The following COL1A1 variants were observed in gnomAD, a reference collection of about 807,000 sequenced individuals.
COL1A1 encodes collagen type I alpha 1 chain, also known as collagen alpha-1(I) chain.
In COL1A1, 21 loss-of-function variants were observed where a neutral mutation model predicts 195.7. The observed-to-expected ratio is 0.11, with a 90% CI of 0.08 to 0.15. The LOEUF (loss-of-function observed/expected upper bound fraction) is 0.15, where lower values mean the gene tolerates loss of function less well. Ranked by LOEUF, COL1A1 falls within the 10% of genes least tolerant of loss-of-function variation. The pLI, the probability that COL1A1 is intolerant of heterozygous loss-of-function variation, is 1.00. For synonymous variants in COL1A1, 749 were observed against 747.3 expected (o/e 1.00, Z -0.04); for missense variants, 1,365 against 2,051.0 (o/e 0.67, Z 6.46).
Position 50,192,636 on chromosome 17 carries a change from T to A in COL1A1, c.1929+4A>T. On this transcript the variant is annotated splice_donor_region_variant and intron_variant, in intron 28 of 50. Transcript: ENST00000225964. ...CCAGCATCCTGACAGCCATGAGGCC[T>A]CACCTGGAATCCGGGGGAGCCAGCA... 7.4e-6 allele frequency: 12 copies of A among 1,614,198 alleles called. No individual in the cohort carries two copies. The highest frequency in any genetic ancestry group is 1.0e-5 in the Non-Finnish European group (12 of 1,180,030).
chr17:50,197,636 T>G, intron 9 of COL1A1, 96 bp downstream of exon 9: 1 of 1,030,088 alleles, frequency 9.7e-7, no homozygotes, highest in Non-Finnish European at 1.4e-6. Flanking sequence ...CTCCTTCCTC[T>G]GAGTATCGTT....
chr17:50,189,093 T>C lies in COL1A1; in HGVS notation c.2937+75A>G. On this transcript the variant is annotated intron_variant, in intron 40 of 50. Coordinates refer to ENST00000225964, the MANE Select transcript of COL1A1 (RefSeq NM_000088.4). The surrounding 1 kb of genome is among the most constrained non-coding windows in gnomAD (Gnocchi z 5.5). ...CTGGAGTCATCTCTACCAAATCTGT[T>C]CTCCTTGGCTCCGCCCCACTCCAAG... is the stretch of plus-strand genomic sequence containing the variant. 1 of 1,584,300 alleles carries C rather than the reference T, an allele frequency of 6.3e-7. No individual in the cohort carries two copies. Among genetic ancestry groups the C allele is most frequent in the East Asian group, 2.2e-5 (1 of 44,716 alleles).
At position 50,190,215 on chromosome 17, in the gene COL1A1, C is replaced by T; in HGVS notation, c.2452-107G>A. The T allele has an allele frequency of 8.0e-7, 1 of 1,252,316 alleles. No homozygotes were observed. Among genetic ancestry groups the T allele is most frequent in the East Asian group, 2.3e-5 (1 of 43,110 alleles). The allele number at this position is 1,252,316 out of a possible 1,614,324, so 77.6% of individuals were successfully genotyped here. A position where few individuals can be genotyped will look rare whatever the true frequency, so the allele number is the denominator to read the frequency against. ...GGAAGATGCTTGGGTGGGAAACAAT[C>T]CCGTCTCCACCCTTCTCCCCTGAGG... is the stretch of plus-strand genomic sequence containing the variant. On this transcript the variant is annotated intron_variant, in intron 35 of 50. Coordinates refer to ENST00000225964, the MANE Select transcript of COL1A1 (RefSeq NM_000088.4). This position sits in a 1 kb window ranked among gnomAD's most constrained non-coding sequence, Gnocchi z 4.7.
rs940917502 is a variant in COL1A1 at position 50,195,850 on chromosome 17, G to T, written c.1056+73C>A. ...CTCTCTTGCCACTCTGGGTCCCTTT[G>T]GTTTGGGGAACAGGGAGACATGAAC... is the stretch of plus-strand genomic sequence containing the variant. On this transcript the variant is annotated intron_variant, in intron 16 of 50. Coordinates refer to ENST00000225964, the MANE Select transcript of COL1A1 (RefSeq NM_000088.4). The surrounding 1 kb of genome is among the most constrained non-coding windows in gnomAD (Gnocchi z 4.3). 2.0e-6 allele frequency: 3 copies of T among 1,524,940 alleles called. No homozygotes were observed. In the African/African-American group the frequency reaches 4.1e-5, roughly 21 times the overall value. 94.5% of individuals were successfully genotyped at this position (1,524,940 alleles called of 1,614,324 possible).
Position 50,194,280 on chromosome 17 carries a change from G to A in COL1A1, c.1614+69C>T, listed in dbSNP as rs750305584. 103 of 1,598,874 alleles carry A rather than the reference G, an allele frequency of 6.4e-5. No individual in the cohort carries two copies. The African/African-American group carries it at 1.0e-3, about 16-fold the overall frequency. ...CAGACCCTTGGGCCTGATCCAGAAC[G>A]CCTCATCCCAGACCCTACACGGGAT... On this transcript the variant is annotated intron_variant, in intron 23 of 50. Transcript: ENST00000225964. The surrounding 1 kb of genome is among the most constrained non-coding windows in gnomAD (Gnocchi z 6.8).
Position 50,189,333 on chromosome 17 carries a change from C to T in COL1A1, c.2829+44G>A, listed in dbSNP as rs765001351. On this transcript the variant is annotated intron_variant, in intron 39 of 50. Coordinates refer to ENST00000225964, the MANE Select transcript of COL1A1 (RefSeq NM_000088.4). This position sits in a 1 kb window ranked among gnomAD's most constrained non-coding sequence, Gnocchi z 5.5. ...GAGCAGCACAGGGACCCCTCCCCAGCTCTGCACACCTCCGGAGCTGCAGAG... is the reference window on the plus strand; with the variant it reads ...GAGCAGCACAGGGACCCCTCCCCAGTTCTGCACACCTCCGGAGCTGCAGAG... The T allele has an allele frequency of 1.2e-6, 2 of 1,613,788 alleles. No individual in the cohort carries two copies. The highest frequency in any genetic ancestry group is 2.2e-5 in the South Asian group (2 of 91,082).
chr17:50,201,279 A>C, intron 1 of COL1A1, 132 bp downstream of exon 1: 14 of 838,102 alleles, frequency 1.7e-5, no homozygotes, highest in East Asian at 2.7e-5. Context: ...GCGCCGAGGA[A>C]GAGCCCTCAT....
At chr17:50,191,706 A>G in intron 31 of COL1A1, 82 bp downstream of exon 31, 2 of 1,469,284 alleles carry the variant, frequency 1.4e-6, no homozygotes, top group East Asian at 2.5e-5. Flanking sequence ...GGCTTTGGTC[A>G]TGGCCCGCCA....
intron 25 of COL1A1, chr17:50,193,716 C>T (rs577591759): frequency 9.9e-4 from 547 of 554,654 alleles, no homozygotes; most frequent in Admixed American, 2.0e-3. Context: ...CTCCTGACCT[C>T]ATGGTCTGCC....
chr17:50,189,201 T>C lies in COL1A1; in HGVS notation c.2904A>G (p.Gly968=). 1.2e-6 allele frequency: 2 copies of C among 1,613,148 alleles called. No individual in the cohort carries two copies. The highest frequency in any genetic ancestry group is 1.7e-6 in the Non-Finnish European group (2 of 1,179,722). ...CAGGAAGACCAGGGAAGCCTCTCTC[T>C]CCTCTCTGACCAGGCAGGCCGACCA... ...RGVVGLPGQR[G]ERGFPGLPGP... Residue 968 remains glycine (G), a synonymous_variant, in exon 40 of 51, where the codon GGA becomes GGG. Coordinates refer to ENST00000225964, the MANE Select transcript of COL1A1 (RefSeq NM_000088.4). The surrounding 1 kb of genome is among the most constrained non-coding windows in gnomAD (Gnocchi z 5.5).
rs569086871 is a variant in COL1A1 at position 50,198,297 on chromosome 17, G to A, written c.544-92C>T. 2.0e-5 allele frequency: 31 copies of A among 1,564,464 alleles called. 1 individual carries two copies. Among genetic ancestry groups the A allele is most frequent in the South Asian group, 3.3e-5 (3 of 89,762 alleles). On this transcript the variant is annotated intron_variant, in intron 6 of 50. Coordinates refer to ENST00000225964, the MANE Select transcript of COL1A1 (RefSeq NM_000088.4). ...TCATGCCTGTTGGGACCACCCAGTC[G>A]TCCTGCATCCTTTCTGGACTCTGAG...
Position 50,186,739 on chromosome 17 carries a change from T to G in COL1A1, c.3715A>C (p.Ser1239Arg). ...CTCCGGATGTTCTCGATCTGCTGGC[T>G]CAGGCTCTTGAGGGTGGTGTCCACC... ...LEVDTTLKSL[S>R]QQIENIRSPE... is the part of the protein sequence containing the mutation. The change falls in exon 48 of 51, where the codon AGC becomes CGC. Residue 1239 changes from serine to arginine, a missense_variant. By Grantham distance (110) the Ser-to-Arg change is moderately radical (BLOSUM62 -1). Around this residue, in one of 5 missense-constraint regions of COL1A1, gnomAD observed 273 missense variants for 338.6 expected, o/e 0.81. Coordinates refer to ENST00000225964, the MANE Select transcript of COL1A1 (RefSeq NM_000088.4). This position sits in a 1 kb window ranked among gnomAD's most constrained non-coding sequence, Gnocchi z 5.3. 6.2e-7 allele frequency: 1 copy of G among 1,613,976 alleles called. No individual in the cohort carries two copies. The highest frequency in any genetic ancestry group is 1.3e-5 in the African/African-American group (1 of 75,036).
rs538224838 is a variant in COL1A1, at chr17:50,189,532, C to G, written c.2674G>C (p.Ala892Pro). Residue 892 changes from alanine to proline, a missense_variant, in exon 39 of 51, where the codon GCT becomes CCT. Physicochemically the swap from Ala to Pro is conservative, Grantham distance 27 (BLOSUM62 -1). This residue lies in a region of COL1A1 where 671 missense variants were observed against 1,099.9 expected (regional missense o/e 0.61). Coordinates refer to ENST00000225964, the MANE Select transcript of COL1A1 (RefSeq NM_000088.4). This position sits in a 1 kb window ranked among gnomAD's most constrained non-coding sequence, Gnocchi z 5.5. Reference protein sequence around the residue: ...RVGPPGPSGNAGPPGPPGPAG... With the variant: ...RVGPPGPSGNPGPPGPPGPAG... ...GGACCAGGAGGGCCAGGGGGTCCAG[C>G]ATTTCCCTGGATGAGGATAGGAGGG... 1 of 1,613,860 alleles carries G rather than the reference C, an allele frequency of 6.2e-7. No individual in the cohort carries two copies. The highest frequency in any genetic ancestry group is 8.5e-7 in the Non-Finnish European group (1 of 1,179,972).
rs1361917357 is a variant in COL1A1, at chr17:50,199,817, G to C, written c.234C>G (p.Thr78=). The change falls in exon 2 of 51, where the codon ACC becomes ACG. Residue 78 remains threonine (T), a synonymous_variant. Coordinates refer to ENST00000225964, the MANE Select transcript of COL1A1 (RefSeq NM_000088.4). ...VLCDDVICDE[T]KNCPGAEVPE... is the part of the protein sequence containing the mutation. ...GGACTTCGGCGCCGGGGCAGTTCTT[G>C]GTCTCGTCACAGATCACGTCATCGC... The C allele has an allele frequency of 6.2e-7, 1 of 1,614,032 alleles. No individual in the cohort carries two copies. The highest frequency in any genetic ancestry group is 1.1e-5 in the South Asian group (1 of 91,068).
At position 50,190,689 on chromosome 17, in the gene COL1A1, T is replaced by G; in HGVS notation, c.2344-93A>C. Reference sequence around the variant, plus strand: ...GAGAGCCTCCCCTCCTTCTGGTCCCTCCAGGTTCCCAGGTTGACAGCTCAG... The same window carrying G: ...GAGAGCCTCCCCTCCTTCTGGTCCCGCCAGGTTCCCAGGTTGACAGCTCAG... On this transcript the variant is annotated intron_variant, in intron 33 of 50. Transcript: ENST00000225964. The surrounding 1 kb of genome is among the most constrained non-coding windows in gnomAD (Gnocchi z 4.7). 8 of 1,524,942 alleles carry G rather than the reference T, an allele frequency of 5.2e-6. No homozygotes were observed. The highest frequency in any genetic ancestry group is 7.2e-6 in the Non-Finnish European group (8 of 1,105,132). 94.5% of individuals were successfully genotyped at this position (1,524,942 alleles called of 1,614,324 possible). A position where few individuals can be genotyped will look rare whatever the true frequency, so the allele number is the denominator to read the frequency against.
rs141117382 is a variant in COL1A1 at position 50,189,004 on chromosome 17, G to T, written c.2944C>A (p.Pro982Thr). 1.5e-4 allele frequency: 240 copies of T among 1,613,124 alleles called. No homozygotes were observed. The highest frequency in any genetic ancestry group is 1.9e-4 in the Non-Finnish European group (226 of 1,179,400). Reference protein sequence around the residue: ...FPGLPGPSGEPGKQGPSGASG... With the variant: ...FPGLPGPSGETGKQGPSGASG... ...GCTCCAGAGGGACCTTGTTTGCCAG[G>T]TTCACCCTAAGGGAGAAGAAAGAGT... Residue 982 changes from proline (P) to threonine (T), a missense_variant, in exon 41 of 51, where the codon CCT becomes ACT. Pro to Thr is a conservative substitution (Grantham distance 38). Around this residue, in one of 5 missense-constraint regions of COL1A1, gnomAD observed 671 missense variants for 1,099.9 expected, o/e 0.61. Transcript: ENST00000225964. This position sits in a 1 kb window ranked among gnomAD's most constrained non-coding sequence, Gnocchi z 5.5.
At chr17:50,187,662 C>A in intron 45 of COL1A1, 125 bp from the exon 46 acceptor site, 6 of 1,115,018 alleles carry the variant, frequency 5.4e-6, no homozygotes, top group Non-Finnish European at 8.1e-6. Flanking sequence ...AAATCTAGCC[C>A]GAGGGTGTCC....
Position 50,195,152 on chromosome 17 carries a change from C to T in COL1A1, c.1300-52G>A. On this transcript the variant is annotated intron_variant, in intron 19 of 50. Coordinates refer to ENST00000225964, the MANE Select transcript of COL1A1 (RefSeq NM_000088.4). The surrounding 1 kb of genome is among the most constrained non-coding windows in gnomAD (Gnocchi z 4.3). ...TGAGAGTCGGGGGCGCTCAGTTGGC[C>T]TGCGTCTTCCTGCTCCCCAGATGAG... 6.2e-7 allele frequency: 1 copy of T among 1,608,050 alleles called. No individual in the cohort carries two copies. Among genetic ancestry groups the T allele is most frequent in the Non-Finnish European group, 8.5e-7 (1 of 1,174,980 alleles).
At position 50,194,320 on chromosome 17, in the gene COL1A1, C is replaced by A; in HGVS notation, c.1614+29G>T. ...CTACACGGGATGGTCAGGGCCTGGC[C>A]AAGCCAGGCTGAAAGCCTGGGGCCT... On this transcript the variant is annotated intron_variant, in intron 23 of 50. Coordinates refer to ENST00000225964, the MANE Select transcript of COL1A1 (RefSeq NM_000088.4). The surrounding 1 kb of genome is among the most constrained non-coding windows in gnomAD (Gnocchi z 6.8). 1 of 1,612,314 alleles carries A rather than the reference C, an allele frequency of 6.2e-7. No homozygotes were observed.
Sources: gnomAD v4.1 joint callset for allele counts on GRCh38, gnomAD v4.1.1 for gene constraint, gnomAD v4.1.1 regional missense constraint, Gnocchi (gnomAD v3.1) non-coding constraint, MANE v1.5 for transcripts, NCBI Gene and HGNC (gene_info 2026-07-23, HGNC 2026-07-21) for gene names.